Variants in MED13L observed in about 807,000 individuals in gnomAD.
MED13L encodes the protein mediator of RNA polymerase II transcription subunit 13-like.
A neutral mutation model predicts 220.9 loss-of-function variants in MED13L; 7 were observed. The observed-to-expected ratio is 0.03, with a 90% CI of 0.02 to 0.06. The LOEUF is 0.06. Ranked by LOEUF, MED13L falls within the 10% of genes least tolerant of loss-of-function variation. MED13L has a pLI of 1.00. For synonymous variants in MED13L, 1,011 were observed against 1,015.2 expected (o/e 1.00, Z 0.08); for missense variants, 1,965 against 2,760.5 (o/e 0.71, Z 6.46).
chr12:116,166,584 T>TAATA (rs1371414894), intron 2 of MED13L, among the ~76,000 whole-genome samples: 8 of 152,188 alleles, frequency 5.3e-5, no homozygotes, highest in Non-Finnish European at 7.4e-5. Flanking sequence ...ACTCTGTCAT[T>TAATA]AATAAATAAA....
chr12:116,003,399 C>G (rs978634653), intron 13 of MED13L, among the ~76,000 whole-genome samples: 3 of 152,032 alleles, frequency 2.0e-5, no homozygotes, highest in African/African-American at 7.2e-5. Context: ...CACAGTGTTA[C>G]ATTAGGGTGG....
intron 4 of MED13L, among the ~76,000 whole-genome samples, chr12:116,094,877 A>G (rs1872526957): frequency 6.6e-6 from 1 of 152,228 alleles, no homozygotes; most frequent in Admixed American, 6.5e-5. Context: ...GATTAAAAGT[A>G]AAAACCAAAG....
At chr12:116,009,287 C>T (rs1451510211) in intron 9 of MED13L, 155 bp from the exon 10 acceptor site, 1 of 696,916 alleles carries the variant, frequency 1.4e-6, no homozygotes. Context: ...ACACAATACA[C>T]CCCAATGAAA....
At chr12:116,061,108 T>C (rs1273828839) in intron 4 of MED13L, among the ~76,000 whole-genome samples, 5 of 152,222 alleles carry the variant, frequency 3.3e-5, no homozygotes, top group Non-Finnish European at 7.3e-5. Context: ...AGTAAGACTA[T>C]AGATTACTTT....
At chr12:115,989,907 T>C (rs907728903) in intron 17 of MED13L, among the ~76,000 whole-genome samples, 2 of 152,226 alleles carry the variant, frequency 1.3e-5, no homozygotes, top group African/African-American at 4.8e-5. Context: ...TTCTAATCCA[T>C]ACCCAGAATT....
intron 4 of MED13L, among the ~76,000 whole-genome samples, chr12:116,039,132 CTAGTTA>C (rs1294172779): frequency 1.3e-5 from 2 of 152,146 alleles, no homozygotes; most frequent in African/African-American, 4.8e-5. Flanking sequence ...CGTAATGATT[CTAGTTA>C]TATTTTTAAA....
chr12:116,277,019 CT>C, intron 1 of MED13L, 40 bp downstream of exon 1: 5 of 1,418,204 alleles, frequency 3.5e-6, no homozygotes, highest in Non-Finnish European at 4.9e-6. Flanking sequence ...GACCCCCCCC[CT>C]TCCCCGGCAC....
chr12:116,073,076 A>G (rs557489404), intron 4 of MED13L, among the ~76,000 whole-genome samples: 2 of 152,324 alleles, frequency 1.3e-5, no homozygotes, highest in African/African-American at 2.4e-5. Context: ...ATTAGAGACC[A>G]TTCATTGTGA....
chr12:116,215,869 A>T (rs1170420139), intron 2 of MED13L, among the ~76,000 whole-genome samples: 2 of 152,160 alleles, frequency 1.3e-5, no homozygotes, highest in Non-Finnish European at 2.9e-5. Context: ...TATTTAACAT[A>T]TTGTAGCCCA....
At chr12:116,232,542 G>A (rs189070548) in intron 2 of MED13L, among the ~76,000 whole-genome samples, 13 of 152,218 alleles carry the variant, frequency 8.5e-5, no homozygotes, top group Non-Finnish European at 1.3e-4. Context: ...TCAATCTGCC[G>A]GGAGTGCAAT....
chr12:115,996,711 T>C, intron 15 of MED13L, 30 bp from the exon 16 acceptor site: 1 of 1,577,094 alleles, frequency 6.3e-7, no homozygotes, highest in Admixed American at 1.7e-5. Context: ...TCAGTGTTAA[T>C]ATTGGTAAAC....
At position 116,141,926 on chromosome 12, in the gene MED13L, CCA is replaced by C. The variant is rs150757618; in HGVS notation, c.311-30416_311-30415del. Among the ~76,000 whole-genome samples, 18 of 152,234 alleles carry C rather than the reference CCA, an allele frequency of 1.2e-4. No individual in the cohort carries two copies. In the East Asian group the frequency reaches 3.3e-3, roughly 28 times the overall value. The stretch of plus-strand genomic sequence containing the variant: ...CCCACACCCTACCCCAGCTTCACGC[CCA>C]CTGCTCTTCCCCTTGCCCACACCAC... On this transcript the variant is annotated intron_variant, in intron 2 of 30. Transcript: ENST00000281928.
At chr12:116,003,178 T>G in intron 13 of MED13L, 76 bp from the exon 14 acceptor site, 1 of 1,283,756 alleles carries the variant, frequency 7.8e-7, no homozygotes, top group Non-Finnish European at 1.1e-6. Context: ...TCCTAATGTA[T>G]GCCTATTGGT....
chr12:116,075,050 T>C (rs1870670993), intron 4 of MED13L, among the ~76,000 whole-genome samples: 1 of 152,252 alleles, frequency 6.6e-6, no homozygotes, highest in Non-Finnish European at 1.5e-5. Flanking sequence ...CTGTTTGCCA[T>C]TAAACTTTCT....
chr12:116,135,742 T>G (rs1339946480), intron 2 of MED13L, among the ~76,000 whole-genome samples: 2 of 152,164 alleles, frequency 1.3e-5, no homozygotes, highest in African/African-American at 4.8e-5. Context: ...GAGGAGCAAG[T>G]ACATGTCCCT....
At chr12:116,248,404 G>A (rs1481443368) in intron 1 of MED13L, among the ~76,000 whole-genome samples, 1 of 151,978 alleles carries the variant, frequency 6.6e-6, no homozygotes, top group Admixed American at 6.6e-5. Context: ...AGATATGGGG[G>A]GTTAAGGAGA....
At chr12:115,989,824 T>G (rs1410515210) in intron 17 of MED13L, among the ~76,000 whole-genome samples, 1 of 152,162 alleles carries the variant, frequency 6.6e-6, no homozygotes. Context: ...ACAAGGACAC[T>G]AAGGCAAGCT....
At chr12:116,068,535 G>A (rs1870126983) in intron 4 of MED13L, among the ~76,000 whole-genome samples, 1 of 152,160 alleles carries the variant, frequency 6.6e-6, no homozygotes, top group Non-Finnish European at 1.5e-5. Context: ...TCTTGACACA[G>A]ATTGTGGGAA....
chr12:116,206,878 CT>C lies in MED13L; in HGVS notation c.310+30589del, dbSNP rs538576057. On this transcript the variant is annotated intron_variant, in intron 2 of 30. Transcript: ENST00000281928. Reference sequence around the variant, plus strand: ...CACTTCATAATTATAAAATGATTAACTTTTTTTTATATATCCCCCCCAAAAC... The same window carrying C: ...CACTTCATAATTATAAAATGATTAACTTTTTTTATATATCCCCCCCAAAAC... 4.6e-3 allele frequency among the ~76,000 whole-genome samples: 694 copies of C among 152,032 alleles called. 1 individual carries two copies. Among genetic ancestry groups the C allele is most frequent in the Middle Eastern group, 0.01 (3 of 294 alleles).
Sources: gnomAD v4.1 joint callset for allele counts (sites outside exome capture counted in the v4.1 genomes callset) on GRCh38, gnomAD v4.1.1 for gene constraint, MANE v1.5 for transcripts, NCBI Gene and HGNC (gene_info 2026-07-23, HGNC 2026-07-21) for gene names.